The following IPCEF1 variants were observed in gnomAD, a reference collection of about 807,000 sequenced individuals.
IPCEF1 encodes interaction protein for cytohesin exchange factors 1, also known as interactor protein for cytohesin exchange factors 1.
In IPCEF1, 31 loss-of-function variants were observed where a neutral mutation model predicts 50.9. The ratio of observed to expected loss-of-function variants is 0.61; its 90% CI spans 0.46 to 0.82. The LOEUF (loss-of-function observed/expected upper bound fraction) is 0.82. Among genes scored for constraint, IPCEF1 ranks in the 40% least tolerant of loss-of-function variants. The pLI is 0.00. For synonymous variants in IPCEF1, 181 were observed against 192.0 expected, an observed-to-expected ratio of 0.94 and a Z score of 0.47; for missense variants, 458 against 514.0, an observed-to-expected ratio of 0.89 and a Z score of 1.05.
intron 1 of IPCEF1, among the ~76,000 whole-genome samples, chr6:154,345,650 G>A (rs1314629750): frequency 1.3e-5 from 2 of 151,998 alleles, no homozygotes; most frequent in Middle Eastern, 3.2e-3. Context: ...GGTTGAAAAC[G>A]TGTTAGATTT....
chr6:154,316,411 G>A (rs1348229445), intron 1 of IPCEF1, among the ~76,000 whole-genome samples: 5 of 152,110 alleles, frequency 3.3e-5, no homozygotes, highest in African/African-American at 1.2e-4. Context: ...GTTATGCCTA[G>A]ATACACAAGG....
At chr6:154,183,692 A>G (rs1392416101) in intron 10 of IPCEF1, among the ~76,000 whole-genome samples, 1 of 152,152 alleles carries the variant, frequency 6.6e-6, no homozygotes, top group Non-Finnish European at 1.5e-5. Context: ...TGAGGTCAGG[A>G]GTTTGAGACC....
intron 5 of IPCEF1, among the ~76,000 whole-genome samples, chr6:154,227,505 G>A (rs1779353531): frequency 6.6e-6 from 1 of 151,998 alleles, no homozygotes; most frequent in Admixed American, 6.6e-5. Context: ...GATCACTTGA[G>A]CCCAAGAGTT....
At chr6:154,242,671 G>C (rs148719685) in intron 5 of IPCEF1, among the ~76,000 whole-genome samples, 2 of 152,298 alleles carry the variant, frequency 1.3e-5, no homozygotes, top group East Asian at 3.9e-4. Flanking sequence ...TGGATCACTT[G>C]AGGTCAGGAG....
At chr6:154,189,709 C>T (rs185978038) in intron 10 of IPCEF1, among the ~76,000 whole-genome samples, 1 of 152,164 alleles carries the variant, frequency 6.6e-6, no homozygotes, top group East Asian at 1.9e-4. Context: ...TGGCTGATGC[C>T]TGTAATCCCA....
At chr6:154,268,138 C>T (rs187214353) in intron 2 of IPCEF1, among the ~76,000 whole-genome samples, 25 of 152,328 alleles carry the variant, frequency 1.6e-4, no homozygotes, top group Admixed American at 1.6e-3. Flanking sequence ...GTTCATGGTG[C>T]CTGGGCTTGT....
chr6:154,273,315 C>G (rs1238026363), intron 2 of IPCEF1, among the ~76,000 whole-genome samples: 4 of 152,146 alleles, frequency 2.6e-5, no homozygotes, highest in African/African-American at 7.2e-5. Context: ...TTGTTATCCT[C>G]GTGGCAGAAG....
intron 10 of IPCEF1, among the ~76,000 whole-genome samples, chr6:154,177,695 T>A (rs1800461132): frequency 6.6e-6 from 1 of 152,090 alleles, no homozygotes; most frequent in South Asian, 2.1e-4. Flanking sequence ...TTGGTGGGAG[T>A]GTAAATTAGT....
intron 3 of IPCEF1, among the ~76,000 whole-genome samples, chr6:154,258,534 G>A (rs9397699): frequency 0.29 from 43,878 of 152,016 alleles, 6,826 homozygotes; most frequent in Admixed American, 0.46. Flanking sequence ...CCTACCCAAC[G>A]GTCCAACCCA....
chr6:154,247,559 G>T, intron 3 of IPCEF1, 71 bp from the exon 4 acceptor site: 1 of 1,335,514 alleles, frequency 7.5e-7, no homozygotes, highest in Non-Finnish European at 1.1e-6. Flanking sequence ...GAGAGAAGGA[G>T]GGAGGAGGTG....
chr6:154,344,558 ACTGGCAGCATAAAGAT>A (rs1451004642), intron 1 of IPCEF1, among the ~76,000 whole-genome samples: 2 of 152,194 alleles, frequency 1.3e-5, no homozygotes, highest in African/African-American at 4.8e-5. Flanking sequence ...AGGTTTAGCA[ACTGGCAGCATAAAGAT>A]CTTCCCTCCT....
intron 1 of IPCEF1, among the ~76,000 whole-genome samples, chr6:154,325,627 C>G (rs1044879350): frequency 6.6e-6 from 1 of 152,130 alleles, no homozygotes; most frequent in Non-Finnish European, 1.5e-5. Context: ...TGGGGGTGAC[C>G]AACATGAAAC....
At chr6:154,195,389 C>T (rs548821627) in intron 10 of IPCEF1, among the ~76,000 whole-genome samples, 5 of 152,128 alleles carry the variant, frequency 3.3e-5, no homozygotes, top group Non-Finnish European at 7.4e-5. Flanking sequence ...CCTTGTGATC[C>T]GCCCACCTCG....
intron 2 of IPCEF1, among the ~76,000 whole-genome samples, chr6:154,278,636 C>A (rs1436602117): frequency 1.3e-5 from 2 of 152,044 alleles, no homozygotes; most frequent in African/African-American, 4.8e-5. Context: ...ATGTTGAAAC[C>A]TTTTCCTTTG....
intron 9 of IPCEF1, among the ~76,000 whole-genome samples, chr6:154,208,566 A>T (rs1257209572): frequency 6.6e-6 from 1 of 152,224 alleles, no homozygotes; most frequent in East Asian, 1.9e-4. Flanking sequence ...ATCACAGTCC[A>T]CTTTATTCAC....
intron 3 of IPCEF1, among the ~76,000 whole-genome samples, chr6:154,251,398 C>G (rs751808711): frequency 1.3e-5 from 2 of 152,054 alleles, no homozygotes; most frequent in Non-Finnish European, 2.9e-5. Flanking sequence ...TTTAAAAAAC[C>G]ACAATGACAG....
chr6:154,266,142 T>A (rs760519185), intron 2 of IPCEF1, among the ~76,000 whole-genome samples, 178 bp from the exon 3 acceptor site: 3 of 152,112 alleles, frequency 2.0e-5, no homozygotes, highest in Non-Finnish European at 4.4e-5. Flanking sequence ...GTCCCAGAGC[T>A]TTGGGAGGCC....
At chr6:154,356,130 C>A (rs1784213567) in intron 1 of IPCEF1, among the ~76,000 whole-genome samples, 1 of 152,100 alleles carries the variant, frequency 6.6e-6, no homozygotes, top group South Asian at 2.1e-4. Context: ...TATACCCCAG[C>A]AAAGAAAAAT....
At chr6:154,335,533 G>A (rs1282029481) in intron 1 of IPCEF1, among the ~76,000 whole-genome samples, 2 of 152,084 alleles carry the variant, frequency 1.3e-5, no homozygotes, top group African/African-American at 4.8e-5. Context: ...AAACAACAGA[G>A]TGAAGATACA....
Sources: allele counts gnomAD v4.1 joint callset (sites outside exome capture counted in the v4.1 genomes callset), GRCh38; gene constraint gnomAD v4.1.1; transcripts MANE v1.5; gene names NCBI Gene and HGNC (gene_info 2026-07-23, HGNC 2026-07-21).